DSTYK: variants seen among roughly 807,000 people sequenced by gnomAD.
DSTYK encodes RIP-homologous kinase.
DSTYK carries 34 observed loss-of-function variants against 98.7 expected under a neutral mutation model. The observed-to-expected ratio is 0.34, with a 90% CI of 0.26 to 0.46. The LOEUF is 0.46. DSTYK is among the 20% of genes least tolerant of loss of function. DSTYK has a pLI of 1.00. For synonymous variants in DSTYK, 462 were observed against 457.3 expected (o/e 1.01, Z -0.13); for missense variants, 962 against 1,181.7 (o/e 0.81, Z 2.73).
chr1:205,148,665 A>C (rs1307890552), intron 11 of DSTYK, among the ~76,000 whole-genome samples: 1 of 152,216 alleles, frequency 6.6e-6, no homozygotes, highest in Non-Finnish European at 1.5e-5. Flanking sequence ...AAAGTTGGAA[A>C]TACAGGTGGG....
At chr1:205,167,869 C>T (rs947685765) in intron 3 of DSTYK, among the ~76,000 whole-genome samples, 3 of 152,104 alleles carry the variant, frequency 2.0e-5, no homozygotes, top group Non-Finnish European at 4.4e-5. Flanking sequence ...CCCAGCACTT[C>T]GGGAGGCCGA....
Position 205,211,539 on chromosome 1 carries a change from C to G in DSTYK, c.-4G>C, listed in dbSNP as rs539056813. On this transcript the variant is annotated 5_prime_UTR_variant, in exon 1 of 13. Transcript: ENST00000367162. ...ATGGCACCCCGTCGCCCTCCATCGCCTCTGCCCGCTCTGTCTTTGCGGCTC... is the reference window on the plus strand; with the variant it reads ...ATGGCACCCCGTCGCCCTCCATCGCGTCTGCCCGCTCTGTCTTTGCGGCTC... 7 of 1,509,464 alleles carry G rather than the reference C, an allele frequency of 4.6e-6. No individual in the cohort carries two copies. The highest frequency in any genetic ancestry group is 5.0e-5 in the East Asian group (2 of 39,614). 93.5% of individuals were successfully genotyped at this position (1,509,464 alleles called of 1,614,324 possible).
chr1:205,151,773 C>T (rs962788888), intron 10 of DSTYK, among the ~76,000 whole-genome samples: 1 of 150,832 alleles, frequency 6.6e-6, no homozygotes, highest in Non-Finnish European at 1.5e-5. Context: ...TGCATGGGGT[C>T]AGGATCATCT....
At chr1:205,171,040 A>C (rs966595553) in intron 2 of DSTYK, among the ~76,000 whole-genome samples, 1 of 151,724 alleles carries the variant, frequency 6.6e-6, no homozygotes, top group Non-Finnish European at 1.5e-5. Context: ...GAAAAAAAAA[A>C]AAACCCAAAA....
intron 1 of DSTYK, among the ~76,000 whole-genome samples, chr1:205,191,876 C>G (rs1002881799): frequency 1.3e-5 from 2 of 152,222 alleles, no homozygotes; most frequent in African/African-American, 2.4e-5. Context: ...ATTAATACAA[C>G]AGCATCTGCA....
rs1295317405 is a variant in DSTYK, at chr1:205,211,379, G to C, written c.157C>G (p.Arg53Gly). 6 of 1,612,366 alleles carry C rather than the reference G, an allele frequency of 3.7e-6. No homozygotes were observed. The African/African-American group carries it at 8.0e-5, about 22-fold the overall frequency. Residue 53 changes from arginine (R) to glycine (G), a missense_variant, in exon 1 of 13, where the codon CGC becomes GGC. Arg to Gly is a moderately radical substitution (Grantham distance 125). This residue lies in a region of DSTYK where 168 missense variants were observed against 120.0 expected (regional missense o/e 1.40). Transcript: ENST00000367162. ...QNLRETQKFF[R>G]DIKCSHNHTC... is the part of the protein sequence containing the mutation. ...TGGTTGTGGGAGCACTTGATGTCGC[G>C]GAAGAACTTCTGGGTCTCGCGCAGG...
rs1381994238 is a variant in DSTYK, at chr1:205,162,096, G to A, written c.1758C>T (p.Cys586=). The change falls in exon 6 of 13, where the codon TGC becomes TGT. Residue 586 remains cysteine (C), a synonymous_variant. Transcript: ENST00000367162. Reference sequence around the variant, plus strand: ...TATTGAGCCGAGTCCGGAATTGGCTGCAAATGCTCTTAGCCAATTTGGAGG... The same window carrying A: ...TATTGAGCCGAGTCCGGAATTGGCTACAAATGCTCTTAGCCAATTTGGAGG... ...LSASKLAKSI[C]SQFRTRLNSS... is the part of the protein sequence containing the mutation. 3 of 1,614,120 alleles carry A rather than the reference G, an allele frequency of 1.9e-6. No individual in the cohort carries two copies. Among genetic ancestry groups the A allele is most frequent in the East Asian group, 4.5e-5 (2 of 44,870 alleles).
In DSTYK at chr1:205,211,355, G is replaced by A. The variant is rs1403061592; in HGVS notation, c.181C>T (p.His61Tyr). Residue 61 changes from histidine to tyrosine, a missense_variant, in exon 1 of 13, where the codon CAC becomes TAC. By Grantham distance (83) the His-to-Tyr change is moderately conservative (BLOSUM62 2). Coordinates refer to ENST00000367162, the MANE Select transcript of DSTYK (RefSeq NM_015375.3). ...FFRDIKCSHN[H>Y]TCLSSLTGGG... ...CCCGTGAGGGAGGAGAGACAAGTGT[G>A]GTTGTGGGAGCACTTGATGTCGCGG... is the stretch of plus-strand genomic sequence containing the variant. 2 of 1,612,294 alleles carry A rather than the reference G, an allele frequency of 1.2e-6. No individual in the cohort carries two copies. The highest frequency in any genetic ancestry group is 2.7e-5 in the African/African-American group (2 of 74,794).
At chr1:205,193,896 C>A (rs1015383239) in intron 1 of DSTYK, among the ~76,000 whole-genome samples, 4 of 148,578 alleles carry the variant, frequency 2.7e-5, no homozygotes, top group Admixed American at 2.0e-4. Flanking sequence ...AAGGAACTAA[C>A]TAGCAATCCT....
Position 205,202,567 on chromosome 1 carries a change from C to T in DSTYK, c.265+8704G>A, listed in dbSNP as rs918327161. 3.1e-5 allele frequency: 30 copies of T among 971,964 alleles called. No homozygotes were observed. The East Asian group carries it at 3.3e-4, about 11-fold the overall frequency. The allele number at this position is 971,964 out of a possible 1,614,324, so 60.2% of individuals were successfully genotyped here. A position where few individuals can be genotyped will look rare whatever the true frequency, so the allele number is the denominator to read the frequency against. Reference sequence around the variant, plus strand: ...AGTGAACAAAGCACCTAAGATGCGCCGCTGGACCTGCAGAGCTCATGGTCG... The same window carrying T: ...AGTGAACAAAGCACCTAAGATGCGCTGCTGGACCTGCAGAGCTCATGGTCG... On this transcript the variant is annotated intron_variant, in intron 1 of 12. Transcript: ENST00000367162.
At chr1:205,149,890 C>T (rs1052383706) in intron 11 of DSTYK, among the ~76,000 whole-genome samples, 1 of 152,128 alleles carries the variant, frequency 6.6e-6, no homozygotes, top group Non-Finnish European at 1.5e-5. Context: ...ATTATTTCCC[C>T]TTCTTTAGCC....
chr1:205,155,127 G>A (rs1324648324), intron 10 of DSTYK, among the ~76,000 whole-genome samples: 1 of 151,920 alleles, frequency 6.6e-6, no homozygotes, highest in African/African-American at 2.4e-5. Flanking sequence ...TGGGACTACA[G>A]GTGTGTGCCA....
Position 205,206,365 on chromosome 1 carries a change from C to T in DSTYK, c.265+4906G>A, listed in dbSNP as rs111821367. On this transcript the variant is annotated intron_variant, in intron 1 of 12. Transcript: ENST00000367162. ...TGCAATCTCGGCTCACCAAAACCTC[C>T]GCCTCCCGGGTTCAAGCGATTCTCC... Among the ~76,000 whole-genome samples the T allele has an allele frequency of 9.2e-3, 1,400 of 151,928 alleles. 29 individuals carry two copies. Among genetic ancestry groups the T allele is most frequent in the African/African-American group, 0.032 (1,337 of 41,400 alleles).
chr1:205,184,348 G>A (rs776638963), intron 2 of DSTYK, among the ~76,000 whole-genome samples: 21 of 151,960 alleles, frequency 1.4e-4, no homozygotes, highest in Non-Finnish European at 2.9e-4. Context: ...TGAGGGGGGC[G>A]GATCACTTGA....
chr1:205,205,285 C>T (rs1292712968), intron 1 of DSTYK, among the ~76,000 whole-genome samples: 1 of 152,042 alleles, frequency 6.6e-6, no homozygotes, highest in East Asian at 1.9e-4. Context: ...TCTCCCCACC[C>T]CTAAGCCCCA....
rs193090883 is a variant in DSTYK, at chr1:205,199,914, T to C, written c.265+11357A>G. On this transcript the variant is annotated intron_variant, in intron 1 of 12. Transcript: ENST00000367162. ...AAGACAGAAATGAAAGAAGCTCTAA[T>C]AGTAATCTTCATAAATGCATTCTGC... is the stretch of plus-strand genomic sequence containing the variant. Among the ~76,000 whole-genome samples, 535 of 152,336 alleles carry C rather than the reference T, an allele frequency of 3.5e-3. 3 individuals are homozygous for C. The highest frequency in any genetic ancestry group is 5.4e-3 in the Non-Finnish European group (366 of 68,032).
rs1319271235 is a variant in DSTYK, at chr1:205,143,312, A to T, written c.*4246T>A. On this transcript the variant is annotated 3_prime_UTR_variant, in exon 13 of 13. Transcript: ENST00000367162. ...TAGGTGCCCGCCACCATGCCTGGCT[A>T]ATTTTTTCTATTTTTAATAGAGACG... 6.6e-6 allele frequency: 1 copy of T among 151,892 alleles called. No individual in the cohort carries two copies. The highest frequency in any genetic ancestry group is 1.5e-5 in the Non-Finnish European group (1 of 67,978). The allele number at this position is 151,892 out of a possible 1,614,324, so 9.4% of individuals were successfully genotyped here.
At chr1:205,210,124 A>T (rs934318863) in intron 1 of DSTYK, among the ~76,000 whole-genome samples, 2 of 152,002 alleles carry the variant, frequency 1.3e-5, no homozygotes, top group African/African-American at 4.8e-5. Flanking sequence ...CTGGTCCCGA[A>T]TTCCTGACCT....
intron 9 of DSTYK, among the ~76,000 whole-genome samples, chr1:205,157,635 G>A (rs1441861373): frequency 6.6e-6 from 1 of 152,090 alleles, no homozygotes; most frequent in Non-Finnish European, 1.5e-5. Flanking sequence ...GGTGGCAGGT[G>A]CCTGTAATCC....
Sources: gnomAD v4.1 joint callset for allele counts (sites outside exome capture counted in the v4.1 genomes callset) on GRCh38, gnomAD v4.1.1 for gene constraint, gnomAD v4.1.1 regional missense constraint, MANE v1.5 for transcripts, NCBI Gene and HGNC (gene_info 2026-07-23, HGNC 2026-07-21) for gene names.